Variants in RERE observed in about 807,000 individuals in gnomAD.
RERE encodes the protein arginine-glutamic acid dipeptide repeats.
In RERE, 40 loss-of-function variants were observed where a neutral mutation model predicts 146.1. The observed-to-expected ratio is 0.27, with a 90% confidence interval of 0.21 to 0.36. RERE has a LOEUF of 0.36. RERE is among the 10% of genes least tolerant of loss of function. The probability of loss-of-function intolerance (pLI) is 1.00; values close to 1 mark genes in which losing one functional copy is unlikely to be tolerated. For missense variants in RERE, 1,933 were observed against 2,138.7 expected (o/e 0.90, Z 1.90); for synonymous variants, 1,003 against 866.0 (o/e 1.16, Z -2.78).
chr1:8,452,142 C>T (rs1205245125), intron 11 of RERE, among the ~76,000 whole-genome samples: 3 of 152,178 alleles, frequency 2.0e-5, no homozygotes, highest in African/African-American at 7.2e-5. Flanking sequence ...ATCCATCCTT[C>T]AAGGTCCTCT....
intron 1 of RERE, among the ~76,000 whole-genome samples, chr1:8,788,457 C>T (rs1641300543): frequency 2.0e-5 from 3 of 151,666 alleles, no homozygotes; most frequent in African/African-American, 7.3e-5. Flanking sequence ...CACCTCCTCC[C>T]AAGTTCAAGC....
chr1:8,481,505 T>C lies in RERE; in HGVS notation c.1104+13558A>G, dbSNP rs1000808260. The stretch of plus-strand genomic sequence containing the variant: ...GTTATGTATATAAATATTGTGTATA[T>C]AAATAAGTGTGCTTATTAATTTTTA... On this transcript the variant is annotated intron_variant, in intron 10 of 22. Coordinates refer to ENST00000400908, the MANE Select transcript of RERE (RefSeq NM_001042681.2). Among the ~76,000 whole-genome samples, 18 of 152,200 alleles carry C rather than the reference T, an allele frequency of 1.2e-4. No individual in the cohort carries two copies. In the East Asian group the frequency reaches 3.5e-3, roughly 29 times the overall value.
chr1:8,700,559 C>CA (rs1453240621), intron 1 of RERE, among the ~76,000 whole-genome samples: 1 of 152,194 alleles, frequency 6.6e-6, no homozygotes, highest in Non-Finnish European at 1.5e-5. Context: ...CGTCTAAAAG[C>CA]TTCTATGTGC....
At chr1:8,789,679 CTAACT>C (rs1156557644) in intron 1 of RERE, among the ~76,000 whole-genome samples, 3 of 152,110 alleles carry the variant, frequency 2.0e-5, no homozygotes, top group African/African-American at 7.2e-5. Context: ...TTTGGTCTAC[CTAACT>C]TATCTGGCAC....
intron 4 of RERE, among the ~76,000 whole-genome samples, chr1:8,604,635 A>AGGAC: frequency 1.4e-5 from 2 of 138,632 alleles, no homozygotes. Flanking sequence ...GAAGGAAGGA[A>AGGAC]GGAAGGAAGG....
chr1:8,638,852 G>A (rs940189331), intron 2 of RERE, among the ~76,000 whole-genome samples: 5 of 144,042 alleles, frequency 3.5e-5, no homozygotes, highest in African/African-American at 1.1e-4. Context: ...GCAGTGGCGC[G>A]AAGCTCCGCC....
chr1:8,724,414 T>C (rs931762534), intron 1 of RERE, among the ~76,000 whole-genome samples: 7 of 152,208 alleles, frequency 4.6e-5, no homozygotes, highest in Admixed American at 3.9e-4. Flanking sequence ...TCTATATCAA[T>C]GTTCTGTCAC....
chr1:8,363,997 C>T, intron 15 of RERE, 59 bp downstream of exon 15: 1 of 1,518,942 alleles, frequency 6.6e-7, no homozygotes, highest in African/African-American at 1.4e-5. Flanking sequence ...GCTCAAGCCC[C>T]CACACATCCC....
chr1:8,484,507 G>A (rs1644874121), intron 10 of RERE, among the ~76,000 whole-genome samples: 1 of 150,794 alleles, frequency 6.6e-6, no homozygotes, highest in African/African-American at 2.4e-5. Context: ...CTCACTGCAA[G>A]CTCTGCCTCC....
At chr1:8,785,602 CTAAT>C (rs1641245121) in intron 1 of RERE, among the ~76,000 whole-genome samples, 1 of 152,326 alleles carries the variant, frequency 6.6e-6, no homozygotes, top group Admixed American at 6.5e-5. Context: ...ATTTTAAACT[CTAAT>C]TAACTCATAA....
At chr1:8,439,340 A>T (rs911693912) in intron 11 of RERE, among the ~76,000 whole-genome samples, 4 of 152,238 alleles carry the variant, frequency 2.6e-5, no homozygotes, top group Non-Finnish European at 5.9e-5. Flanking sequence ...GGCAACAGAA[A>T]TGCGATACTG....
At chr1:8,469,351 G>A (rs887939678) in intron 10 of RERE, among the ~76,000 whole-genome samples, 26 of 152,170 alleles carry the variant, frequency 1.7e-4, no homozygotes, top group Non-Finnish European at 2.9e-4. Context: ...GGGCGCGGTG[G>A]CTCACGCCTG....
At chr1:8,583,613 C>T (rs1230594781) in intron 4 of RERE, among the ~76,000 whole-genome samples, 2 of 151,710 alleles carry the variant, frequency 1.3e-5, no homozygotes, top group Non-Finnish European at 2.9e-5. Flanking sequence ...AGCTCCCTGC[C>T]GGCACAAGGA....
At chr1:8,500,738 C>G (rs1427712346) in intron 8 of RERE, among the ~76,000 whole-genome samples, 2 of 151,514 alleles carry the variant, frequency 1.3e-5, no homozygotes, top group Non-Finnish European at 2.9e-5. Flanking sequence ...CGTCTCTGCC[C>G]GGCCGCCATC....
At chr1:8,664,001 CCTG>C (rs1184346504) in intron 1 of RERE, among the ~76,000 whole-genome samples, 1 of 152,178 alleles carries the variant, frequency 6.6e-6, no homozygotes, top group African/African-American at 2.4e-5. Context: ...GCCCCCCAAT[CCTG>C]CCTGTAAAAT....
intron 1 of RERE, among the ~76,000 whole-genome samples, chr1:8,815,865 A>G (rs569804461): frequency 4.4e-4 from 57 of 129,650 alleles, no homozygotes; most frequent in Non-Finnish European, 8.6e-4. Context: ...GTGTGTGTAT[A>G]TGTGTGTCTG....
chr1:8,582,865 A>C (rs1646384778), intron 4 of RERE, among the ~76,000 whole-genome samples: 1 of 152,322 alleles, frequency 6.6e-6, no homozygotes, highest in African/African-American at 2.4e-5. Context: ...GTACTGATTT[A>C]AGATGATAGG....
intron 7 of RERE, among the ~76,000 whole-genome samples, chr1:8,537,492 C>T (rs1645743017): frequency 6.6e-6 from 1 of 152,020 alleles, no homozygotes; most frequent in African/African-American, 2.4e-5. Context: ...TAGGTTCAGC[C>T]ATCAAATACA....
At chr1:8,403,968 T>C (rs1490786745) in intron 12 of RERE, among the ~76,000 whole-genome samples, 1 of 151,402 alleles carries the variant, frequency 6.6e-6, no homozygotes, top group African/African-American at 2.4e-5. Flanking sequence ...GTAGCTGGGA[T>C]TACAGGCACG....
Sources: allele counts gnomAD v4.1 joint callset (sites outside exome capture counted in the v4.1 genomes callset), GRCh38; gene constraint gnomAD v4.1.1; transcripts MANE v1.5; gene names NCBI Gene and HGNC (gene_info 2026-07-23, HGNC 2026-07-21).